Variants in GPATCH2L observed in about 807,000 individuals in gnomAD.
The protein encoded by GPATCH2L is G patch domain-containing protein 2-like.
In GPATCH2L, 31 loss-of-function variants were observed where a neutral mutation model predicts 57.4. The ratio of observed to expected loss-of-function variants is 0.54; its 90% CI spans 0.41 to 0.73. GPATCH2L has a LOEUF of 0.73. Among genes scored for constraint, GPATCH2L ranks in the 30% least tolerant of loss-of-function variants. GPATCH2L has a pLI of 0.00. For missense variants in GPATCH2L, 481 were observed against 599.9 expected (o/e 0.80, Z 2.07); for synonymous variants, 199 against 210.7 (o/e 0.94, Z 0.48).
chr14:76,160,587 G>A (rs1055708486), intron 2 of GPATCH2L, among the ~76,000 whole-genome samples: 11 of 152,150 alleles, frequency 7.2e-5, no homozygotes, highest in African/African-American at 1.7e-4. Context: ...GATTAAAAGC[G>A]AAAATTAATG....
intron 9 of GPATCH2L, among the ~76,000 whole-genome samples, chr14:76,197,498 C>T (rs1258185138): frequency 6.6e-6 from 1 of 152,104 alleles, no homozygotes; most frequent in Non-Finnish European, 1.5e-5. Context: ...AGCTCCTTTC[C>T]TCACTTGTTG....
chr14:76,153,104 G>T (rs770047120), intron 1 of GPATCH2L: 1 of 247,416 alleles, frequency 4.0e-6, no homozygotes, highest in African/African-American at 2.3e-5. Context: ...GCTCCTACAG[G>T]TGTGGCAGAT....
chr14:76,160,617 A>T (rs559490812), intron 2 of GPATCH2L, among the ~76,000 whole-genome samples: 5 of 152,340 alleles, frequency 3.3e-5, no homozygotes, highest in African/African-American at 1.2e-4. Context: ...TTCTACTGAG[A>T]CGGAGATTTT....
chr14:76,170,166 A>G (rs940619714), intron 3 of GPATCH2L, among the ~76,000 whole-genome samples: 9 of 150,364 alleles, frequency 6.0e-5, no homozygotes, highest in Admixed American at 4.0e-4. Flanking sequence ...TTCATTGCCC[A>G]TTTTGGAGAT....
At position 76,209,460 on chromosome 14, in the gene GPATCH2L, A is replaced by G. The variant is rs1016703222; in HGVS notation, c.*7609A>G. ...TGAGGTAGGAGGAATTGCTAATTAGATTAGTGAGATTCTAAGGTGGGTCAC... is the reference window on the plus strand; with the variant it reads ...TGAGGTAGGAGGAATTGCTAATTAGGTTAGTGAGATTCTAAGGTGGGTCAC... On this transcript the variant is annotated 3_prime_UTR_variant, in exon 10 of 10. Transcript: ENST00000261530. 2 of 152,134 alleles carry G rather than the reference A, an allele frequency of 1.3e-5. No individual in the cohort carries two copies. Among genetic ancestry groups the G allele is most frequent in the Non-Finnish European group, 2.9e-5 (2 of 68,036 alleles). 9.4% of individuals were successfully genotyped at this position (152,134 alleles called of 1,614,324 possible).
intron 2 of GPATCH2L, among the ~76,000 whole-genome samples, chr14:76,232,011 A>ACTGCAGCCTCACTGCAGCCTC: frequency 1.3e-5 from 2 of 150,440 alleles, no homozygotes; most frequent in African/African-American, 4.9e-5. Flanking sequence ...CTGCAGGCTC[A>ACTGCAGCCTCACTGCAGCCTC]AGCAATCTTC....
chr14:76,152,357 C>T (rs1405959104), intron 1 of GPATCH2L, among the ~76,000 whole-genome samples: 2 of 152,192 alleles, frequency 1.3e-5, no homozygotes, highest in African/African-American at 4.8e-5. Flanking sequence ...TGTTGCGACC[C>T]CCGATCCCGG....
chr14:76,222,378 G>A (rs2040518999), intron 1 of GPATCH2L, among the ~76,000 whole-genome samples: 2 of 152,122 alleles, frequency 1.3e-5, no homozygotes, highest in South Asian at 4.2e-4. Flanking sequence ...AGGCCAGGGT[G>A]GATGGATCAT....
intron 8 of GPATCH2L, among the ~76,000 whole-genome samples, chr14:76,189,459 G>A (rs1370987075): frequency 6.6e-6 from 1 of 151,286 alleles, no homozygotes; most frequent in Non-Finnish European, 1.5e-5. Flanking sequence ...TTTTATTTGT[G>A]GCCACTATAA....
rs116202996 is a variant in GPATCH2L at position 76,201,798 on chromosome 14, A to G, written c.1396A>G (p.Thr466Ala). The G allele has an allele frequency of 1.1e-4, 179 of 1,614,074 alleles. 1 individual carries two copies. The African/African-American group carries it at 1.9e-3, about 17-fold the overall frequency. Residue 466 changes from threonine to alanine, a missense_variant, in exon 10 of 10, where the codon ACT (threonine) becomes GCT (alanine). This residue lies in a region of GPATCH2L where 248 missense variants were observed against 270.5 expected (regional missense o/e 0.92). Transcript: ENST00000261530. Reference protein sequence around the residue: ...TSAAEKATDATTATFFKMPQE... With the variant: ...TSAAEKATDAATATFFKMPQE... ...TGCAGCAGAGAAAGCCACAGACGCA[A>G]CTACTGCTACATTTTTTAAAATGCC...
At chr14:76,231,170 G>GA (rs1354741612) in intron 2 of GPATCH2L, among the ~76,000 whole-genome samples, 1 of 152,190 alleles carries the variant, frequency 6.6e-6, no homozygotes, top group African/African-American at 2.4e-5. Context: ...CAATATTTAG[G>GA]AAAGTGTTTT....
chr14:76,232,686 A>G (rs2040578660), intron 2 of GPATCH2L, among the ~76,000 whole-genome samples: 1 of 152,222 alleles, frequency 6.6e-6, no homozygotes. Context: ...CCAAGGAAAG[A>G]GATGCAATTG....
intron 8 of GPATCH2L, among the ~76,000 whole-genome samples, chr14:76,188,333 C>G (rs2039847623): frequency 6.6e-6 from 1 of 152,110 alleles, no homozygotes; most frequent in Non-Finnish European, 1.5e-5. Flanking sequence ...TACATTCCCA[C>G]CAACAGTGTA....
chr14:76,228,813 T>C (rs2040547803), intron 1 of GPATCH2L, among the ~76,000 whole-genome samples: 1 of 152,130 alleles, frequency 6.6e-6, no homozygotes, highest in Non-Finnish European at 1.5e-5. Flanking sequence ...AGAAAGAGGT[T>C]ATCCTAGGAT....
At chr14:76,179,964 C>T (rs1256494372) in intron 7 of GPATCH2L, 1 of 149,702 alleles carries the variant, frequency 6.7e-6, no homozygotes, top group South Asian at 2.1e-4. Context: ...GCAGGTGGAT[C>T]ACCTGAGGTC....
chr14:76,231,962 A>AC (rs1229260053), intron 2 of GPATCH2L, among the ~76,000 whole-genome samples: 1 of 614 alleles, frequency 1.6e-3, no homozygotes, highest in African/African-American at 5.3e-3. Flanking sequence ...GGGCAAACAC[A>AC]TCTCACTGCA....
intron 2 of GPATCH2L, among the ~76,000 whole-genome samples, chr14:76,165,477 C>T (rs575958044): frequency 7.0e-4 from 100 of 143,476 alleles, no homozygotes; most frequent in African/African-American, 2.4e-3. Context: ...GGGCAATGAG[C>T]GAAACTCCAT....
At chr14:76,172,934 A>G (rs1405688789) in intron 4 of GPATCH2L, among the ~76,000 whole-genome samples, 2 of 152,236 alleles carry the variant, frequency 1.3e-5, no homozygotes, top group Non-Finnish European at 2.9e-5. Context: ...ATTTTGATGA[A>G]CATTTCTAAA....
chr14:76,152,416 A>G (rs2289835), intron 1 of GPATCH2L: 238,768 of 292,146 alleles, frequency 0.82, 98,268 homozygotes, highest in Middle Eastern at 0.9. Context: ...CTGCCCTAGA[A>G]GAGCCGATCC....
Sources: allele counts gnomAD v4.1 joint callset (sites outside exome capture counted in the v4.1 genomes callset), GRCh38; gene constraint gnomAD v4.1.1; regional missense constraint gnomAD v4.1.1; transcripts MANE v1.5; gene names NCBI Gene and HGNC (gene_info 2026-07-23, HGNC 2026-07-21).